The following SEPTIN10 variants were observed in gnomAD, a reference collection of about 807,000 sequenced individuals.
SEPTIN10 encodes the protein septin-10.
A neutral mutation model predicts 54.8 loss-of-function variants in SEPTIN10; 66 were observed. The observed-to-expected ratio is 1.21, with a 90% CI of 0.99 to 1.48. The LOEUF (loss-of-function observed/expected upper bound fraction) is 1.48, where lower values mean the gene tolerates loss of function less well. SEPTIN10 is among the 40% of genes most tolerant of loss of function. The pLI, the probability that SEPTIN10 is intolerant of heterozygous loss-of-function variation, is 0.00. For synonymous variants in SEPTIN10, 161 were observed against 181.0 expected (o/e 0.89, Z 0.89); for missense variants, 620 against 545.6 (o/e 1.14, Z -1.36).
chr2:109,583,440 A>G (rs59328146), intron 4 of SEPTIN10, among the ~76,000 whole-genome samples: 9,819 of 152,276 alleles, frequency 0.064, 753 homozygotes, highest in East Asian at 0.24. Context: ...ACAATGAGAT[A>G]CCATCTCACA....
At chr2:109,613,028 T>A in intron 1 of SEPTIN10, 1 of 522,924 alleles carries the variant, frequency 1.9e-6, no homozygotes, top group Non-Finnish European at 3.5e-6. Context: ...CACCAATGTT[T>A]ACTATCAAAA....
At chr2:109,597,909 A>G (rs918474793) in intron 1 of SEPTIN10, among the ~76,000 whole-genome samples, 1 of 152,130 alleles carries the variant, frequency 6.6e-6, no homozygotes, top group African/African-American at 2.4e-5. Context: ...CCAATTACAG[A>G]TAAACTTCTG....
intron 6 of SEPTIN10, 55 bp from the exon 7 acceptor site, chr2:109,565,914 A>G: frequency 7.0e-7 from 1 of 1,419,360 alleles, no homozygotes; most frequent in South Asian, 1.1e-5. Flanking sequence ...CTGACTAGAT[A>G]AAATAAATTT....
At chr2:109,588,619 G>T (rs1371250610) in intron 2 of SEPTIN10, among the ~76,000 whole-genome samples, 1 of 151,968 alleles carries the variant, frequency 6.6e-6, no homozygotes, top group African/African-American at 2.4e-5. Context: ...TCAGCCTCAC[G>T]AGTAGCTGGG....
chr2:109,607,170 T>A (rs1698181912), intron 1 of SEPTIN10, among the ~76,000 whole-genome samples: 1 of 152,210 alleles, frequency 6.6e-6, no homozygotes, highest in African/African-American at 2.4e-5. Flanking sequence ...GTAGTATAAA[T>A]CATAATCACA....
At chr2:109,560,070 G>A (rs959655439) in intron 8 of SEPTIN10, among the ~76,000 whole-genome samples, 26 of 151,916 alleles carry the variant, frequency 1.7e-4, no homozygotes, top group Non-Finnish European at 2.1e-4. Context: ...ACAGGTGCCC[G>A]CCACCACGCC....
chr2:109,564,592 T>A, intron 7 of SEPTIN10, 58 bp from the exon 8 acceptor site: 1 of 1,380,598 alleles, frequency 7.2e-7, no homozygotes, highest in Non-Finnish European at 9.6e-7. Context: ...GGCACACAAC[T>A]AAGTGTTTGC....
intron 8 of SEPTIN10, among the ~76,000 whole-genome samples, chr2:109,555,721 C>G (rs1057302875): frequency 5.3e-5 from 8 of 152,176 alleles, no homozygotes; most frequent in African/African-American, 1.9e-4. Flanking sequence ...GCTGACCAAT[C>G]GTTACCTCTT....
intron 9 of SEPTIN10, among the ~76,000 whole-genome samples, chr2:109,546,486 T>C (rs1681283294): frequency 6.6e-6 from 1 of 152,192 alleles, no homozygotes; most frequent in South Asian, 2.1e-4. Context: ...TTTTAAAACA[T>C]TGTGAACTTT....
chr2:109,573,134 T>G (rs1415245834), intron 5 of SEPTIN10, among the ~76,000 whole-genome samples: 7 of 152,148 alleles, frequency 4.6e-5, no homozygotes. Context: ...TTTAATTAAT[T>G]TTCATATCTG....
At chr2:109,577,912 CAAAAA>C (rs745439822) in intron 4 of SEPTIN10, among the ~76,000 whole-genome samples, 2 of 92,342 alleles carry the variant, frequency 2.2e-5, no homozygotes, top group Admixed American at 1.3e-4. Flanking sequence ...GACTTTGTCT[CAAAAA>C]AAAAAAAAAA....
intron 9 of SEPTIN10, 51 bp downstream of exon 9, chr2:109,553,036 A>C (rs1683378546): frequency 1.3e-6 from 2 of 1,585,632 alleles, no homozygotes; most frequent in Non-Finnish European, 1.7e-6. Flanking sequence ...CCTCCAAATT[A>C]ATAGGACATC....
chr2:109,596,441 C>T (rs1260705930), intron 1 of SEPTIN10, among the ~76,000 whole-genome samples: 1 of 151,912 alleles, frequency 6.6e-6, no homozygotes, highest in Non-Finnish European at 1.5e-5. Flanking sequence ...CACAGTGAAA[C>T]CCCGTCTCTA....
intron 4 of SEPTIN10, among the ~76,000 whole-genome samples, chr2:109,580,190 A>AC (rs1690765013): frequency 6.6e-6 from 1 of 152,010 alleles, no homozygotes; most frequent in African/African-American, 2.4e-5. Context: ...GCAAAAAAAA[A>AC]CTAAAAGAAA....
At chr2:109,554,654 C>T (rs1314532287) in intron 8 of SEPTIN10, among the ~76,000 whole-genome samples, 2 of 152,140 alleles carry the variant, frequency 1.3e-5, no homozygotes, top group African/African-American at 2.4e-5. Context: ...TGGCCATCGC[C>T]GGGAATCAAT....
At chr2:109,602,901 CAAA>C (rs34841715) in intron 1 of SEPTIN10, among the ~76,000 whole-genome samples, 11 of 110,362 alleles carry the variant, frequency 1.0e-4, no homozygotes, top group Non-Finnish European at 1.3e-4. Flanking sequence ...GACCCTGTCT[CAAA>C]AAAAAAAAAA....
In SEPTIN10 at chr2:109,579,264, T is replaced by C. The variant is rs555253818; in HGVS notation, c.414-4497A>G. ...CCAACTCTGAATTGTCCTATAATCA[T>C]TTTTTAAAAATTAAACTCAAAATCT... is the stretch of plus-strand genomic sequence containing the variant. On this transcript the variant is annotated intron_variant, in intron 4 of 10. Transcript: ENST00000397712. Among the ~76,000 whole-genome samples the C allele has an allele frequency of 5.4e-4, 82 of 152,324 alleles. 1 individual carries two copies. The South Asian group carries it at 0.017, about 31-fold the overall frequency.
At chr2:109,552,961 G>T in intron 9 of SEPTIN10, 126 bp downstream of exon 9, 1 of 1,075,896 alleles carries the variant, frequency 9.3e-7, no homozygotes. Flanking sequence ...CTATGTGTTG[G>T]AAAAGCTACT....
At chr2:109,607,066 T>G (rs555520300) in intron 1 of SEPTIN10, among the ~76,000 whole-genome samples, 1 of 152,354 alleles carries the variant, frequency 6.6e-6, no homozygotes, top group African/African-American at 2.4e-5. Context: ...ATGTCTAGCC[T>G]GCTCTTCTCC....
Sources: gnomAD v4.1 joint callset for allele counts (sites outside exome capture counted in the v4.1 genomes callset) on GRCh38, gnomAD v4.1.1 for gene constraint, MANE v1.5 for transcripts, NCBI Gene and HGNC (gene_info 2026-07-23, HGNC 2026-07-21) for gene names.